CSMD1: variants seen among roughly 807,000 people sequenced by gnomAD.
The protein encoded by CSMD1 is CUB and sushi domain-containing protein 1.
Under a neutral mutation model 417.5 loss-of-function variants are expected in CSMD1, and 213 were observed. The observed-to-expected ratio is 0.51, with a 90% CI of 0.46 to 0.57. The LOEUF (loss-of-function observed/expected upper bound fraction) is 0.57. Among genes scored for constraint, CSMD1 ranks in the 20% least tolerant of loss-of-function variants. The probability of loss-of-function intolerance (pLI) is 0.00; values close to 1 mark genes in which losing one functional copy is unlikely to be tolerated. For synonymous variants in CSMD1, 2,862 were observed against 1,736.8 expected (o/e 1.65, Z -16.11); for missense variants, 6,923 against 4,529.7 (o/e 1.53, Z -15.17).
At chr8:4,396,634 C>A (rs1483385866) in intron 3 of CSMD1, among the ~76,000 whole-genome samples, 1 of 151,932 alleles carries the variant, frequency 6.6e-6, no homozygotes, top group Non-Finnish European at 1.5e-5. Flanking sequence ...CACACACACA[C>A]ACACACATAA....
chr8:4,216,975 CCCCACGG>C (rs1800717450), intron 3 of CSMD1, among the ~76,000 whole-genome samples: 1 of 152,120 alleles, frequency 6.6e-6, no homozygotes, highest in Non-Finnish European at 1.5e-5. Flanking sequence ...TAGGATAGGT[CCCCACGG>C]TTAAGACTTC....
intron 1 of CSMD1, among the ~76,000 whole-genome samples, chr8:4,669,690 T>G (rs551819964): frequency 6.6e-6 from 1 of 152,218 alleles, no homozygotes; most frequent in African/African-American, 2.4e-5. Flanking sequence ...TTTTGCTAAC[T>G]TGAACATTTC....
In CSMD1 at chr8:3,779,149, TTGTGTGTG is replaced by T. The variant is rs56294437; in HGVS notation, c.819-25115_819-25108del. ...AAATATTTTCACTATGCGTGCATAC[TTGTGTGTG>T]TGTGTGTGTGTGTGTGTGTGTGTGT... On this transcript the variant is annotated intron_variant, in intron 5 of 69. Coordinates refer to ENST00000635120, the MANE Select transcript of CSMD1 (RefSeq NM_033225.6). Among the ~76,000 whole-genome samples, 320 of 147,534 alleles carry T rather than the reference TTGTGTGTG, an allele frequency of 2.2e-3. 1 individual carries two copies. The highest frequency in any genetic ancestry group is 6.2e-3 in the African/African-American group (247 of 40,036).
At chr8:3,182,399 G>C (rs1489387486) in intron 36 of CSMD1, among the ~76,000 whole-genome samples, 3 of 152,088 alleles carry the variant, frequency 2.0e-5, no homozygotes, top group Non-Finnish European at 4.4e-5. Flanking sequence ...ATTTTTAGTA[G>C]AGACGGGATT....
At chr8:3,426,131 G>A (rs111514473) in intron 12 of CSMD1, among the ~76,000 whole-genome samples, 94 of 152,252 alleles carry the variant, frequency 6.2e-4, no homozygotes, top group African/African-American at 2.2e-3. Flanking sequence ...TTCCAAATTT[G>A]TATTGTCCTA....
At chr8:4,412,416 C>G (rs2128935387) in intron 3 of CSMD1, among the ~76,000 whole-genome samples, 1 of 152,306 alleles carries the variant, frequency 6.6e-6, no homozygotes, top group African/African-American at 2.4e-5. Flanking sequence ...CCTCCTTTGC[C>G]TTCTACCATG....
intron 23 of CSMD1, among the ~76,000 whole-genome samples, chr8:3,331,785 G>A (rs1585011604): frequency 1.3e-5 from 2 of 152,190 alleles, no homozygotes; most frequent in South Asian, 4.1e-4. Flanking sequence ...AAGTTACCGT[G>A]TGAATGATAT....
chr8:4,640,090 G>A (rs1803101768), intron 1 of CSMD1, among the ~76,000 whole-genome samples: 2 of 152,200 alleles, frequency 1.3e-5, no homozygotes, highest in Admixed American at 6.5e-5. Flanking sequence ...TACTGTTATA[G>A]ACCCATCAGG....
At chr8:4,749,555 A>G (rs1287091873) in intron 1 of CSMD1, among the ~76,000 whole-genome samples, 1 of 152,174 alleles carries the variant, frequency 6.6e-6, no homozygotes, top group Non-Finnish European at 1.5e-5. Context: ...TTCTAAAACC[A>G]TGCTTGTTTA....
chr8:4,530,782 T>A lies in CSMD1; in HGVS notation c.302+106560A>T, dbSNP rs372076332. ...TGGGTTGCTTCCAAGTCTTTGCTATTGACCCAGCAATCCCATAGCCAAAGG... is the reference window on the plus strand; with the variant it reads ...TGGGTTGCTTCCAAGTCTTTGCTATAGACCCAGCAATCCCATAGCCAAAGG... On this transcript the variant is annotated intron_variant, in intron 2 of 69. Transcript: ENST00000635120. Among the ~76,000 whole-genome samples, 29 of 151,742 alleles carry A rather than the reference T, an allele frequency of 1.9e-4. 1 individual carries two copies. The highest frequency in any genetic ancestry group is 3.4e-3 in the Middle Eastern group (1 of 294).
chr8:2,963,908 G>A (rs933329746), intron 59 of CSMD1, among the ~76,000 whole-genome samples: 1 of 152,126 alleles, frequency 6.6e-6, no homozygotes, highest in Non-Finnish European at 1.5e-5. Flanking sequence ...AGATGCTGTG[G>A]AATACCATTT....
At chr8:4,540,628 G>T (rs141584273) in intron 2 of CSMD1, among the ~76,000 whole-genome samples, 2 of 152,244 alleles carry the variant, frequency 1.3e-5, no homozygotes. Flanking sequence ...ACCTTGAGAG[G>T]GGCCAGACAT....
chr8:4,947,095 C>A (rs1808419128), intron 1 of CSMD1, among the ~76,000 whole-genome samples: 1 of 152,136 alleles, frequency 6.6e-6, no homozygotes, highest in Non-Finnish European at 1.5e-5. Context: ...TTTGTAGTTA[C>A]ATAGTCATCT....
At chr8:3,906,397 A>C (rs1808115424) in intron 5 of CSMD1, among the ~76,000 whole-genome samples, 1 of 152,190 alleles carries the variant, frequency 6.6e-6, no homozygotes, top group East Asian at 1.9e-4. Context: ...TGAAAAATGT[A>C]ATCTGTTTTT....
chr8:3,790,713 CA>C (rs1206998789), intron 5 of CSMD1, among the ~76,000 whole-genome samples: 1 of 152,084 alleles, frequency 6.6e-6, no homozygotes, highest in Non-Finnish European at 1.5e-5. Context: ...ATACCTTTGA[CA>C]AAAACACCCA....
At chr8:4,828,852 G>A (rs1585171669) in intron 1 of CSMD1, among the ~76,000 whole-genome samples, 1 of 152,226 alleles carries the variant, frequency 6.6e-6, no homozygotes, top group African/African-American at 2.4e-5. Context: ...ACTGCCCACA[G>A]AACCTTCATC....
At position 3,885,267 on chromosome 8, in the gene CSMD1, C is replaced by G. The variant is rs140369841; in HGVS notation, c.818+112636G>C. Among the ~76,000 whole-genome samples, 4 of 152,220 alleles carry G rather than the reference C, an allele frequency of 2.6e-5. No homozygotes were observed. In the East Asian group the frequency reaches 7.8e-4, roughly 30 times the overall value. On this transcript the variant is annotated intron_variant, in intron 5 of 69. Coordinates refer to ENST00000635120, the MANE Select transcript of CSMD1 (RefSeq NM_033225.6). ...GAAAATCCTGAAAAGCCTCTAGCAT[C>G]AGACAGGTGTGAGTTATAGAATCAA... is the stretch of plus-strand genomic sequence containing the variant.
intron 3 of CSMD1, among the ~76,000 whole-genome samples, chr8:4,131,752 G>A (rs763635415): frequency 1.2e-4 from 16 of 130,894 alleles, no homozygotes; most frequent in South Asian, 2.5e-4. Context: ...GTATACAAAT[G>A]TGACTTTTTT....
chr8:4,066,185 C>G (rs1333524020), intron 3 of CSMD1, among the ~76,000 whole-genome samples: 1 of 152,216 alleles, frequency 6.6e-6, no homozygotes, highest in Admixed American at 6.5e-5. Flanking sequence ...ACATTCACCT[C>G]TCCTTAGGGA....
Sources: allele counts gnomAD v4.1 joint callset (sites outside exome capture counted in the v4.1 genomes callset), GRCh38; gene constraint gnomAD v4.1.1; transcripts MANE v1.5; gene names NCBI Gene and HGNC (gene_info 2026-07-23, HGNC 2026-07-21).